The following NTNG1 variants were observed in gnomAD, a reference collection of about 807,000 sequenced individuals.
NTNG1 encodes netrin-G1.
NTNG1 carries 16 observed loss-of-function variants against 54.0 expected under a neutral mutation model. That is an observed-to-expected ratio of 0.30 (90% CI 0.20 to 0.45). The LOEUF (loss-of-function observed/expected upper bound fraction) is 0.45, where lower values mean the gene tolerates loss of function less well. Among genes scored for constraint, NTNG1 ranks in the 20% least tolerant of loss-of-function variants. The probability of loss-of-function intolerance (pLI) is 1.00; values close to 1 mark genes in which losing one functional copy is unlikely to be tolerated. For synonymous variants in NTNG1, 255 were observed against 263.1 expected (o/e 0.97, Z 0.30); for missense variants, 530 against 678.7 (o/e 0.78, Z 2.43).
chr1:107,453,744 T>G (rs1676763467), intron 7 of NTNG1, among the ~76,000 whole-genome samples: 1 of 152,166 alleles, frequency 6.6e-6, no homozygotes, highest in Admixed American at 6.5e-5. Flanking sequence ...TAAACTAAAT[T>G]TAAAATTATT....
At position 107,389,152 on chromosome 1, in the gene NTNG1, A is replaced by G. The variant is rs868429; in HGVS notation, c.888-6002A>G. 1.1e-3 allele frequency among the ~76,000 whole-genome samples: 169 copies of G among 152,374 alleles called. 1 individual carries two copies. The East Asian group carries it at 0.026, about 24-fold the overall frequency. Reference sequence around the variant, plus strand: ...CATATTACCATGTGAACATATTGCTAGGGTCGTCCTCAGAGCCCTGAAAGG... The same window carrying G: ...CATATTACCATGTGAACATATTGCTGGGGTCGTCCTCAGAGCCCTGAAAGG... On this transcript the variant is annotated intron_variant, in intron 3 of 7. Coordinates refer to ENST00000370068, the MANE Select transcript of NTNG1 (RefSeq NM_001113226.3).
intron 2 of NTNG1, among the ~76,000 whole-genome samples, chr1:107,171,941 T>A (rs1455872566): frequency 6.6e-6 from 1 of 152,172 alleles, no homozygotes; most frequent in Non-Finnish European, 1.5e-5. Context: ...TTTTTATTTT[T>A]TATTTTTTTT....
intron 7 of NTNG1, among the ~76,000 whole-genome samples, chr1:107,440,897 C>A (rs1675923191): frequency 6.6e-6 from 1 of 151,962 alleles, no homozygotes; most frequent in African/African-American, 2.4e-5. Flanking sequence ...ACTTCTAAAC[C>A]ACTAGAATGA....
intron 5 of NTNG1, among the ~76,000 whole-genome samples, chr1:107,416,916 T>C (rs1049940287): frequency 6.6e-6 from 1 of 152,082 alleles, no homozygotes; most frequent in African/African-American, 2.4e-5. Context: ...ATAATACAAA[T>C]ACATTTTTAT....
intron 2 of NTNG1, among the ~76,000 whole-genome samples, chr1:107,295,315 C>T (rs1665876608): frequency 6.6e-6 from 1 of 152,164 alleles, no homozygotes; most frequent in Admixed American, 6.6e-5. Context: ...GTGGATATAT[C>T]CATTTTCACT....
intron 2 of NTNG1, among the ~76,000 whole-genome samples, chr1:107,235,213 G>C (rs12745669): frequency 0.015 from 2,216 of 152,236 alleles, 61 homozygotes; most frequent in Middle Eastern, 0.02. Flanking sequence ...CACGGAAAGA[G>C]CTTAGAAGCC....
chr1:107,182,572 A>G (rs1657153069), intron 2 of NTNG1, among the ~76,000 whole-genome samples: 1 of 152,152 alleles, frequency 6.6e-6, no homozygotes, highest in Admixed American at 6.6e-5. Context: ...TTCCTTGCCT[A>G]TACTCAATTC....
chr1:107,299,969 T>C (rs1477272747), intron 2 of NTNG1, among the ~76,000 whole-genome samples: 2 of 152,222 alleles, frequency 1.3e-5, no homozygotes, highest in East Asian at 1.9e-4. Flanking sequence ...TGTTGGTTTA[T>C]GTTATTTAAT....
chr1:107,165,909 C>A (rs1046363710), intron 2 of NTNG1, among the ~76,000 whole-genome samples: 1 of 152,114 alleles, frequency 6.6e-6, no homozygotes, highest in Non-Finnish European at 1.5e-5. Context: ...ACGTTGTGTT[C>A]CCTAAGTGTT....
chr1:107,428,516 C>A (rs1053894612), intron 5 of NTNG1, among the ~76,000 whole-genome samples: 30 of 151,864 alleles, frequency 2.0e-4, no homozygotes, highest in African/African-American at 6.5e-4. Flanking sequence ...TTAGATGTAC[C>A]AAGAACCAAC....
intron 2 of NTNG1, among the ~76,000 whole-genome samples, chr1:107,258,487 G>T (rs1045267134): frequency 6.6e-6 from 1 of 152,042 alleles, no homozygotes; most frequent in Non-Finnish European, 1.5e-5. Context: ...ATCCTTTTTA[G>T]TGGCATGCAT....
chr1:107,379,735 A>G (rs1671523741), intron 3 of NTNG1, among the ~76,000 whole-genome samples: 1 of 152,220 alleles, frequency 6.6e-6, no homozygotes, highest in African/African-American at 2.4e-5. Context: ...TATTCTTAAC[A>G]ACCTAATAAT....
chr1:107,275,258 C>T (rs910893398), intron 2 of NTNG1, among the ~76,000 whole-genome samples: 1 of 151,960 alleles, frequency 6.6e-6, no homozygotes, highest in African/African-American at 2.4e-5. Flanking sequence ...ATGCCTATAA[C>T]CTCAGCTACT....
chr1:107,203,747 C>T (rs1658944014), intron 2 of NTNG1, among the ~76,000 whole-genome samples: 1 of 151,118 alleles, frequency 6.6e-6, no homozygotes, highest in Non-Finnish European at 1.5e-5. Context: ...TTATCTATTC[C>T]CTTTACTCTA....
intron 2 of NTNG1, among the ~76,000 whole-genome samples, chr1:107,170,044 C>T (rs1656102063): frequency 6.6e-6 from 1 of 152,078 alleles, no homozygotes. Flanking sequence ...GGATAATCTC[C>T]CTTACTGAAA....
chr1:107,451,982 T>C (rs1558009894), intron 7 of NTNG1, among the ~76,000 whole-genome samples: 1 of 152,142 alleles, frequency 6.6e-6, no homozygotes, highest in African/African-American at 2.4e-5. Context: ...TAGCTGTCTC[T>C]TATGTAGTGG....
Position 107,343,604 on chromosome 1 carries a change from G to C in NTNG1, c.887+18682G>C, listed in dbSNP as rs544769501. 9.2e-5 allele frequency among the ~76,000 whole-genome samples: 14 copies of C among 151,888 alleles called. No homozygotes were observed. The East Asian group carries it at 2.7e-3, about 29-fold the overall frequency. Reference sequence around the variant, plus strand: ...GGATTCGCCTGCAGAAGAAAAGGCTGCAGGAGAGCTCATTAGCCCAGCAGA... The same window carrying C: ...GGATTCGCCTGCAGAAGAAAAGGCTCCAGGAGAGCTCATTAGCCCAGCAGA... On this transcript the variant is annotated intron_variant, in intron 3 of 7. Transcript: ENST00000370068.
chr1:107,240,060 G>C (rs769125156), intron 2 of NTNG1, among the ~76,000 whole-genome samples: 1 of 152,088 alleles, frequency 6.6e-6, no homozygotes, highest in Non-Finnish European at 1.5e-5. Flanking sequence ...AATGCAGAAG[G>C]TTCCATTACA....
chr1:107,167,130 C>T (rs1000637196), intron 2 of NTNG1, among the ~76,000 whole-genome samples: 4 of 151,800 alleles, frequency 2.6e-5, no homozygotes, highest in African/African-American at 7.3e-5. Context: ...TTGGTTTTAC[C>T]ACTGTTTTCC....
Sources: gnomAD v4.1 joint callset for allele counts (sites outside exome capture counted in the v4.1 genomes callset) on GRCh38, gnomAD v4.1.1 for gene constraint, MANE v1.5 for transcripts, NCBI Gene and HGNC (gene_info 2026-07-23, HGNC 2026-07-21) for gene names.